ASIC2: variants seen among roughly 807,000 people sequenced by gnomAD.
ASIC2 encodes the protein acid sensing ion channel subunit 2, also known as acid-sensing ion channel 2.
A neutral mutation model predicts 57.3 loss-of-function variants in ASIC2; 25 were observed. The ratio of observed to expected loss-of-function variants is 0.44; its 90% CI spans 0.32 to 0.61. ASIC2 has a LOEUF of 0.61. ASIC2 is among the 20% of genes least tolerant of loss of function. ASIC2 has a pLI of 0.06. For missense variants in ASIC2, 641 were observed against 738.1 expected (o/e 0.87, Z 1.52); for synonymous variants, 319 against 307.5 (o/e 1.04, Z -0.39).
intron 3 of ASIC2, among the ~76,000 whole-genome samples, chr17:33,031,846 T>C (rs945668240): frequency 6.6e-6 from 1 of 152,222 alleles, no homozygotes; most frequent in Non-Finnish European, 1.5e-5. Flanking sequence ...TCATTGTGAA[T>C]AATCATCTCA....
intron 1 of ASIC2, among the ~76,000 whole-genome samples, chr17:33,202,037 GAAAAAGAAAAGA>G (rs1906888928): frequency 7.8e-6 from 1 of 128,166 alleles, no homozygotes; most frequent in South Asian, 2.6e-4. Flanking sequence ...AAAAAAAAAA[GAAAAAGAAAAGA>G]AAAAAGAAAA....
At chr17:33,523,999 C>T (rs367544031) in intron 1 of ASIC2, among the ~76,000 whole-genome samples, 6 of 152,200 alleles carry the variant, frequency 3.9e-5, no homozygotes, top group African/African-American at 1.4e-4. Flanking sequence ...CTCTTTCAGT[C>T]ATACACTCAG....
chr17:33,604,837 C>A (rs143945323), intron 1 of ASIC2, among the ~76,000 whole-genome samples: 1 of 152,038 alleles, frequency 6.6e-6, no homozygotes, highest in African/African-American at 2.4e-5. Flanking sequence ...AAATCTCCCC[C>A]CTAAAACTCG....
chr17:33,640,488 A>G (rs561701507), intron 1 of ASIC2, among the ~76,000 whole-genome samples: 2 of 152,354 alleles, frequency 1.3e-5, no homozygotes, highest in Admixed American at 1.3e-4. Context: ...AATCTCACAG[A>G]GAGAGCACGG....
At chr17:33,428,433 CA>C (rs555173685) in intron 1 of ASIC2, among the ~76,000 whole-genome samples, 94 of 152,252 alleles carry the variant, frequency 6.2e-4, no homozygotes, top group South Asian at 3.5e-3. Context: ...GGTATTGCCT[CA>C]ATTTCCAGGG....
intron 1 of ASIC2, among the ~76,000 whole-genome samples, chr17:33,527,332 C>G (rs967196615): frequency 3.9e-5 from 6 of 152,216 alleles, no homozygotes; most frequent in Non-Finnish European, 1.5e-5. Flanking sequence ...ATGTTCCACA[C>G]TGGACTCTCA....
chr17:33,531,767 G>A (rs1915058664), intron 1 of ASIC2, among the ~76,000 whole-genome samples: 1 of 152,114 alleles, frequency 6.6e-6, no homozygotes. Flanking sequence ...CTATCACCTG[G>A]GGGGTGCCCA....
At chr17:33,107,653 T>C (rs924915100) in intron 2 of ASIC2, among the ~76,000 whole-genome samples, 2 of 152,328 alleles carry the variant, frequency 1.3e-5, no homozygotes, top group East Asian at 1.9e-4. Context: ...ATAATTTTCA[T>C]AGAGTCATTG....
intron 1 of ASIC2, among the ~76,000 whole-genome samples, chr17:33,450,672 T>TA (rs1457112118): frequency 6.6e-6 from 1 of 152,230 alleles, no homozygotes; most frequent in African/African-American, 2.4e-5. Flanking sequence ...TATATTTTGT[T>TA]ACAATAAAAC....
intron 1 of ASIC2, among the ~76,000 whole-genome samples, chr17:34,124,109 T>G (rs1282712623): frequency 6.6e-6 from 1 of 152,154 alleles, no homozygotes; most frequent in South Asian, 2.1e-4. Flanking sequence ...AATATTAAAT[T>G]ATATAATCTT....
intron 1 of ASIC2, among the ~76,000 whole-genome samples, chr17:33,722,773 A>G (rs1909428084): frequency 6.6e-6 from 1 of 152,174 alleles, no homozygotes; most frequent in Non-Finnish European, 1.5e-5. Flanking sequence ...TAATAAAACA[A>G]CAATGGCAAC....
At chr17:33,202,332 G>T (rs745763833) in intron 1 of ASIC2, among the ~76,000 whole-genome samples, 1 of 152,200 alleles carries the variant, frequency 6.6e-6, no homozygotes, top group East Asian at 1.9e-4. Context: ...GGGAGAAAAT[G>T]GGCTGTTTGG....
chr17:33,568,341 C>T (rs530092249), intron 1 of ASIC2, among the ~76,000 whole-genome samples: 8 of 152,312 alleles, frequency 5.3e-5, no homozygotes, highest in Middle Eastern at 3.4e-3. Context: ...TTATAGCTTA[C>T]AAAAAGCATT....
At chr17:33,205,508 A>G (rs1031888628) in intron 1 of ASIC2, among the ~76,000 whole-genome samples, 2 of 152,256 alleles carry the variant, frequency 1.3e-5, no homozygotes, top group African/African-American at 2.4e-5. Flanking sequence ...TATAAAACAC[A>G]GTGTTCAACA....
chr17:33,652,707 T>A (rs1906956390), intron 1 of ASIC2, among the ~76,000 whole-genome samples: 1 of 152,164 alleles, frequency 6.6e-6, no homozygotes, highest in Non-Finnish European at 1.5e-5. Context: ...CAAGTTGCAA[T>A]ACAGATGGGA....
chr17:33,028,239 G>A lies in ASIC2; in HGVS notation c.1138+3C>T, dbSNP rs763127271. The A allele has an allele frequency of 1.2e-6, 2 of 1,613,648 alleles. No homozygotes were observed. The highest frequency in any genetic ancestry group is 1.7e-5 in the Admixed American group (1 of 60,004). On this transcript the variant is annotated splice_donor_region_variant and intron_variant, in intron 4 of 9. Coordinates refer to ENST00000225823, the MANE Select transcript of ASIC2 (RefSeq NM_183377.2). ...CCTGTGGCCACCCTGCCCTGGCACT[G>A]ACCTGGCATGTGAACCATGCGGCAG...
intron 1 of ASIC2, among the ~76,000 whole-genome samples, chr17:33,628,732 AT>A (rs1416400521): frequency 6.6e-6 from 1 of 152,178 alleles, no homozygotes; most frequent in Non-Finnish European, 1.5e-5. Flanking sequence ...CTGATACTTA[AT>A]CCCCATAACA....
In ASIC2 at chr17:33,229,799, G is replaced by A. The variant is rs557298489; in HGVS notation, c.708+61609C>T. 5.9e-5 allele frequency among the ~76,000 whole-genome samples: 9 copies of A among 152,328 alleles called. No individual in the cohort carries two copies. The East Asian group carries it at 7.7e-4, about 13-fold the overall frequency. Reference sequence around the variant, plus strand: ...GCATGTCTCAGTCTGTACAATGAGCGAATCAGATTAGATGTTTCTCAGGGG... The same window carrying A: ...GCATGTCTCAGTCTGTACAATGAGCAAATCAGATTAGATGTTTCTCAGGGG... On this transcript the variant is annotated intron_variant, in intron 1 of 9. Transcript: ENST00000225823.
Position 33,014,037 on chromosome 17 carries a change from A to G in ASIC2, c.1620T>C (p.Ser540=), listed in dbSNP as rs965859402. The G allele has an allele frequency of 6.2e-7, 1 of 1,604,138 alleles. No homozygotes were observed. The highest frequency in any genetic ancestry group is 8.5e-7 in the Non-Finnish European group (1 of 1,175,058). The change falls in exon 10 of 10, where the codon TCT becomes TCC. Residue 540 remains serine (S), a synonymous_variant. Coordinates refer to ENST00000225823, the MANE Select transcript of ASIC2 (RefSeq NM_183377.2). ...CGTTCACAGTGTGACTGATGGTTTC[A>G]GAGTGGTTTGGCATTGTGTCACAAG... The part of the protein sequence containing the change: ...VSTCDTMPNH[S]ETISHTVNVP...
Sources: allele counts gnomAD v4.1 joint callset (sites outside exome capture counted in the v4.1 genomes callset), GRCh38; gene constraint gnomAD v4.1.1; transcripts MANE v1.5; gene names NCBI Gene and HGNC (gene_info 2026-07-23, HGNC 2026-07-21).